Variants in EXOC4 observed in about 807,000 individuals in gnomAD.
EXOC4 encodes SEC8-like 1.
Under a neutral mutation model 107.2 loss-of-function variants are expected in EXOC4, and 71 were observed. The observed-to-expected ratio is 0.66, with a 90% confidence interval of 0.55 to 0.81. EXOC4 has a LOEUF of 0.81. Among genes scored for constraint, EXOC4 ranks in the 30% least tolerant of loss-of-function variants. The probability of loss-of-function intolerance (pLI) is 0.00; values close to 1 mark genes in which losing one functional copy is unlikely to be tolerated. For missense variants in EXOC4, 1,108 were observed against 1,189.6 expected (o/e 0.93, Z 1.01); for synonymous variants, 456 against 441.2 (o/e 1.03, Z -0.42).
intron 9 of EXOC4, among the ~76,000 whole-genome samples, chr7:133,627,800 A>G (rs1044743446): frequency 7.3e-4 from 111 of 152,294 alleles, no homozygotes; most frequent in African/African-American, 2.6e-3. Context: ...AAAACAGTCC[A>G]TGATTTTTAA....
intron 17 of EXOC4, among the ~76,000 whole-genome samples, chr7:134,026,314 G>A (rs779430872): frequency 2.6e-5 from 4 of 151,430 alleles, no homozygotes; most frequent in Non-Finnish European, 4.4e-5. Context: ...TTAGGGAAAG[G>A]GAAATCTCTC....
At chr7:133,723,407 G>A (rs1795147174) in intron 10 of EXOC4, among the ~76,000 whole-genome samples, 1 of 152,166 alleles carries the variant, frequency 6.6e-6, no homozygotes, top group African/African-American at 2.4e-5. Context: ...CAAGAGAAAT[G>A]GTATATCCCC....
chr7:133,857,188 A>G (rs1352075584), intron 11 of EXOC4, among the ~76,000 whole-genome samples: 1 of 27,224 alleles, frequency 3.7e-5, no homozygotes, highest in South Asian at 1.2e-3. Flanking sequence ...ATATATATAT[A>G]TATATATATA....
At chr7:133,397,630 C>A (rs1797000180) in intron 7 of EXOC4, among the ~76,000 whole-genome samples, 3 of 151,908 alleles carry the variant, frequency 2.0e-5, no homozygotes, top group Non-Finnish European at 4.4e-5. Context: ...CATAATTTTC[C>A]AGCCTATCTT....
At chr7:133,545,002 G>T (rs1056963030) in intron 9 of EXOC4, among the ~76,000 whole-genome samples, 2 of 151,692 alleles carry the variant, frequency 1.3e-5, no homozygotes, top group African/African-American at 4.8e-5. Context: ...GCATATGTGT[G>T]TGTACGTATG....
At chr7:133,971,405 G>GAGAGAGAA (rs1801234174) in intron 14 of EXOC4, among the ~76,000 whole-genome samples, 3 of 139,444 alleles carry the variant, frequency 2.2e-5, no homozygotes, top group Middle Eastern at 3.7e-3. Context: ...GAGAGAGAAA[G>GAGAGAGAA]AGAGAGAGAA....
chr7:133,279,266 G>A (rs1436309464), intron 2 of EXOC4, among the ~76,000 whole-genome samples: 1 of 152,146 alleles, frequency 6.6e-6, no homozygotes, highest in Non-Finnish European at 1.5e-5. Flanking sequence ...TGTGAATAGT[G>A]CCGCAATAAA....
chr7:133,611,672 C>G (rs1802079178), intron 9 of EXOC4, among the ~76,000 whole-genome samples: 1 of 152,052 alleles, frequency 6.6e-6, no homozygotes, highest in African/African-American at 2.4e-5. Flanking sequence ...CAGAACACAC[C>G]TTCCTCTATT....
At chr7:133,799,157 A>G (rs533860697) in intron 10 of EXOC4, among the ~76,000 whole-genome samples, 1 of 152,324 alleles carries the variant, frequency 6.6e-6, no homozygotes, top group East Asian at 1.9e-4. Flanking sequence ...CAACATGGTA[A>G]ATATAACCCA....
At chr7:133,484,106 AG>A in intron 9 of EXOC4, 1 of 1,613,160 alleles carries the variant, frequency 6.2e-7, no homozygotes, top group Admixed American at 1.7e-5. Flanking sequence ...ATTTTACAAA[AG>A]TTAAGTTCCT....
At chr7:133,419,154 T>G (rs982083323) in intron 7 of EXOC4, among the ~76,000 whole-genome samples, 1 of 152,116 alleles carries the variant, frequency 6.6e-6, no homozygotes, top group African/African-American at 2.4e-5. Flanking sequence ...GAGAGATGGT[T>G]TCAAGAAAAT....
chr7:134,040,200 T>A (rs1795483302), intron 17 of EXOC4, among the ~76,000 whole-genome samples: 1 of 152,228 alleles, frequency 6.6e-6, no homozygotes, highest in Non-Finnish European at 1.5e-5. Flanking sequence ...CCCAAGATAC[T>A]GCTTCTCTGA....
intron 10 of EXOC4, among the ~76,000 whole-genome samples, chr7:133,644,051 G>A (rs1044312532): frequency 6.6e-6 from 1 of 152,192 alleles, no homozygotes; most frequent in Admixed American, 6.5e-5. Flanking sequence ...CATTCAAGGA[G>A]TTCTGGGTCT....
At chr7:133,636,100 T>C (rs1455449133) in intron 10 of EXOC4, among the ~76,000 whole-genome samples, 7 of 152,308 alleles carry the variant, frequency 4.6e-5, no homozygotes, top group South Asian at 2.1e-4. Context: ...TTCTAAGTTT[T>C]GATGTCTGCC....
At chr7:134,069,512 C>T (rs1042842804), downstream of EXOC4, among the ~76,000 whole-genome samples, 3 of 151,762 alleles carry the variant, frequency 2.0e-5, no homozygotes, top group Non-Finnish European at 2.9e-5. Flanking sequence ...CTTTCTTCTT[C>T]TTTGAGACAA....
At chr7:133,292,441 G>A (rs1050519323) in intron 3 of EXOC4, among the ~76,000 whole-genome samples, 3 of 151,852 alleles carry the variant, frequency 2.0e-5, no homozygotes, top group African/African-American at 7.3e-5. Flanking sequence ...TTTATTTCTG[G>A]GTATTTCATT....
At chr7:133,701,622 TAAC>T (rs1185655032) in intron 10 of EXOC4, among the ~76,000 whole-genome samples, 1 of 152,164 alleles carries the variant, frequency 6.6e-6, no homozygotes, top group Admixed American at 6.5e-5. Context: ...AGTCAGAGAT[TAAC>T]AACAATAACT....
intron 7 of EXOC4, among the ~76,000 whole-genome samples, chr7:133,462,874 T>C (rs1424507890): frequency 6.6e-6 from 1 of 152,198 alleles, no homozygotes; most frequent in African/African-American, 2.4e-5. Flanking sequence ...CAATAGGAAC[T>C]CATCCTATAG....
At chr7:133,582,989 C>CT (rs1801313672) in intron 9 of EXOC4, among the ~76,000 whole-genome samples, 1 of 152,146 alleles carries the variant, frequency 6.6e-6, no homozygotes, top group African/African-American at 2.4e-5. Context: ...TGTTTAACAG[C>CT]TTTTTGAGAA....
Sources: gnomAD v4.1 joint callset for allele counts (sites outside exome capture counted in the v4.1 genomes callset) on GRCh38, gnomAD v4.1.1 for gene constraint, MANE v1.5 for transcripts, NCBI Gene and HGNC (gene_info 2026-07-23, HGNC 2026-07-21) for gene names.